AFF2: variants seen among roughly 807,000 people sequenced by gnomAD.
AFF2 encodes the protein ALF transcription elongation factor 2, also known as AF4/FMR2 family member 2.
Under a neutral mutation model 76.9 loss-of-function variants are expected in AFF2, and 14 were observed. That is an observed-to-expected ratio of 0.18 (90% CI 0.12 to 0.28). The LOEUF is 0.28. Among genes scored for constraint, AFF2 ranks in the 10% least tolerant of loss-of-function variants. AFF2 has a pLI of 1.00. For synonymous variants in AFF2, 398 were observed against 366.7 expected, an observed-to-expected ratio of 1.09 and a Z score of -0.98; for missense variants, 868 against 1,001.1, an observed-to-expected ratio of 0.87 and a Z score of 1.79.
chrX:148,664,306 T>A (rs192296842), intron 3 of AFF2, among the ~76,000 whole-genome samples: 4 of 112,428 alleles, frequency 3.6e-5, no homozygotes, highest in Non-Finnish European at 7.5e-5. Context: ...TCACTACTTC[T>A]TCATGTGCAG....
intron 8 of AFF2, among the ~76,000 whole-genome samples, chrX:148,899,627 A>G (rs2071333106): frequency 8.9e-6 from 1 of 112,217 alleles, no homozygotes; most frequent in Non-Finnish European, 1.9e-5. Flanking sequence ...GAAATGTAAA[A>G]ACCCAGTTTG....
In AFF2 at chrX:148,694,356, G is replaced by A. The variant is rs933232286; in HGVS notation, c.1041+31588G>A. 6.3e-5 allele frequency among the ~76,000 whole-genome samples: 7 copies of A among 111,771 alleles called. No homozygotes were observed. In the Admixed American group the frequency reaches 6.7e-4, roughly 11 times the overall value. ...ATGAAACACCAGCAGACAGGAAGCT[G>A]TCCAATTGGCTAGGACCAACTTATT... On this transcript the variant is annotated intron_variant, in intron 3 of 20. Coordinates refer to ENST00000370460, the MANE Select transcript of AFF2 (RefSeq NM_002025.4).
chrX:148,994,623 T>C lies in AFF2; in HGVS notation c.*3291T>C, dbSNP rs1347892725. 8.9e-6 allele frequency: 1 copy of C among 112,498 alleles called. No individual in the cohort carries two copies. The highest frequency in any genetic ancestry group is 1.9e-5 in the Non-Finnish European group (1 of 53,351). 9.3% of individuals were successfully genotyped at this position (112,498 alleles called of 1,213,427 possible). ...AGTTGCAAAATTAGAAACCATTGGC[T>C]AAAAATGTGTTTTGTTGAGTTTCCA... On this transcript the variant is annotated 3_prime_UTR_variant, in exon 21 of 21. Coordinates refer to ENST00000370460, the MANE Select transcript of AFF2 (RefSeq NM_002025.4).
intron 1 of AFF2, among the ~76,000 whole-genome samples, chrX:148,508,891 A>C (rs1481069702): frequency 9.0e-6 from 1 of 111,370 alleles, no homozygotes. Flanking sequence ...CCTTTGGATC[A>C]TGTGATCCAA....
chrX:148,715,532 G>A (rs1357230735), intron 3 of AFF2, among the ~76,000 whole-genome samples: 1 of 111,273 alleles, frequency 9.0e-6, no homozygotes, highest in Non-Finnish European at 1.9e-5. Context: ...TAATGATGGG[G>A]AGCAGACCAC....
intron 3 of AFF2, among the ~76,000 whole-genome samples, chrX:148,778,836 G>A (rs1557268822): frequency 9.0e-6 from 1 of 110,631 alleles, no homozygotes; most frequent in Admixed American, 9.6e-5. Flanking sequence ...AGGGTTTTTC[G>A]TGTCTCTATC....
chrX:148,843,707 A>G (rs149785908), intron 7 of AFF2, among the ~76,000 whole-genome samples: 62 of 111,570 alleles, frequency 5.6e-4, no homozygotes, highest in African/African-American at 1.9e-3. Context: ...TTTGAGATCA[A>G]TGCACCAGCA....
intron 15 of AFF2, among the ~76,000 whole-genome samples, chrX:148,971,747 C>CTTTTTTTTTTTTTTTTTTTTTT (rs781928514): frequency 8.9e-5 from 4 of 44,724 alleles, no homozygotes; most frequent in Admixed American, 3.3e-4. Flanking sequence ...TTTTCTATTT[C>CTTTTTTTTTTTTTTTTTTTTTT]TTTTTTTTTT....
intron 9 of AFF2, among the ~76,000 whole-genome samples, chrX:148,935,025 T>A (rs2124305557): frequency 1.0e-5 from 1 of 96,618 alleles, no homozygotes; most frequent in African/African-American, 3.6e-5. Flanking sequence ...TCAAAGTGTG[T>A]TTAGGCAAAA....
At chrX:148,801,048 T>G (rs193074960) in intron 3 of AFF2, among the ~76,000 whole-genome samples, 1 of 111,850 alleles carries the variant, frequency 8.9e-6, no homozygotes, top group East Asian at 2.8e-4. Flanking sequence ...AATTTGGCCC[T>G]GGGCTTAATT....
intron 7 of AFF2, among the ~76,000 whole-genome samples, chrX:148,871,965 G>A (rs936956752): frequency 5.4e-5 from 6 of 111,368 alleles, no homozygotes; most frequent in Non-Finnish European, 1.1e-4. Context: ...GATATGTCTA[G>A]GAATGCATTG....
At chrX:148,881,536 A>G (rs2071096316) in intron 7 of AFF2, among the ~76,000 whole-genome samples, 1 of 111,497 alleles carries the variant, frequency 9.0e-6, no homozygotes, top group Admixed American at 9.5e-5. Context: ...AAGCACTCCA[A>G]GAGGATCTAA....
chrX:148,576,210 G>T (rs2053285769), intron 1 of AFF2, among the ~76,000 whole-genome samples: 1 of 111,729 alleles, frequency 9.0e-6, no homozygotes, highest in South Asian at 3.7e-4. Context: ...TTAATAACTG[G>T]ATTATCTGAT....
rs139827877 is a variant in AFF2 at position 148,826,500 on chromosome X, C to T, written c.1087-11147C>T. On this transcript the variant is annotated intron_variant, in intron 4 of 20. Transcript: ENST00000370460. ...AATAGCTACTTGTAGCTTATGCTGG[C>T]AAGTGGCTGTTTATATCAAGGCAGA... Among the ~76,000 whole-genome samples, 1,075 of 111,184 alleles carry T rather than the reference C, an allele frequency of 9.7e-3. 9 individuals carry two copies. The highest frequency in any genetic ancestry group is 0.031 in the African/African-American group (942 of 30,586).
intron 4 of AFF2, among the ~76,000 whole-genome samples, chrX:148,833,067 C>T (rs1166853180): frequency 9.0e-6 from 1 of 111,005 alleles, no homozygotes; most frequent in Non-Finnish European, 1.9e-5. Context: ...CTACTATGTG[C>T]CAAGTATAAT....
intron 1 of AFF2, among the ~76,000 whole-genome samples, chrX:148,594,014 T>G (rs181781174): frequency 4.5e-5 from 5 of 111,636 alleles, no homozygotes; most frequent in Non-Finnish European, 7.5e-5. Context: ...TAATATATGT[T>G]TAAATACTCT....
intron 7 of AFF2, among the ~76,000 whole-genome samples, chrX:148,852,084 C>G (rs2070737057): frequency 9.0e-6 from 1 of 111,455 alleles, no homozygotes; most frequent in Non-Finnish European, 1.9e-5. Context: ...GCATAGCATT[C>G]CATGGGATAT....
At chrX:148,910,444 G>C (rs142329202) in intron 9 of AFF2, among the ~76,000 whole-genome samples, 1 of 112,231 alleles carries the variant, frequency 8.9e-6, no homozygotes, top group African/African-American at 3.2e-5. Context: ...AGATAAAATC[G>C]GTTTGTAAAA....
chrX:148,624,451 A>G (rs782685722), intron 1 of AFF2, among the ~76,000 whole-genome samples: 3 of 112,233 alleles, frequency 2.7e-5, no homozygotes, highest in Non-Finnish European at 5.6e-5. Context: ...TTCAATATAT[A>G]TCTTATATTG....
Sources: gnomAD v4.1 joint callset for allele counts (sites outside exome capture counted in the v4.1 genomes callset) on GRCh38, gnomAD v4.1.1 for gene constraint, MANE v1.5 for transcripts, NCBI Gene and HGNC (gene_info 2026-07-23, HGNC 2026-07-21) for gene names.